The following FAM227A variants were observed in gnomAD, a reference collection of about 807,000 sequenced individuals.
FAM227A encodes family with sequence similarity 227 member A.
Under a neutral mutation model 74.7 loss-of-function variants are expected in FAM227A, and 80 were observed. The observed-to-expected ratio is 1.07, with a 90% CI of 0.89 to 1.29. The LOEUF (loss-of-function observed/expected upper bound fraction) is 1.29, where lower values mean the gene tolerates loss of function less well. Ranked by LOEUF, FAM227A falls within the 50% of genes most tolerant of loss-of-function variation. FAM227A has a pLI of 0.00. For synonymous variants in FAM227A, 237 were observed against 241.8 expected (o/e 0.98, Z 0.19); for missense variants, 654 against 683.4 (o/e 0.96, Z 0.48).
chr22:38,636,662 G>C, intron 5 of FAM227A, 65 bp from the exon 6 acceptor site: 3 of 1,402,774 alleles, frequency 2.1e-6, no homozygotes, highest in Admixed American at 2.3e-5. Context: ...CAATAGGCTA[G>C]CTTCCCCTCT....
At chr22:38,604,458 C>A (rs1020297510) in intron 13 of FAM227A, among the ~76,000 whole-genome samples, 1 of 152,176 alleles carries the variant, frequency 6.6e-6, no homozygotes, top group Non-Finnish European at 1.5e-5. Context: ...TCCCACTACA[C>A]AAGACTGAAG....
chr22:38,644,125 G>A (rs1240532049), intron 3 of FAM227A, among the ~76,000 whole-genome samples: 8 of 133,346 alleles, frequency 6.0e-5, no homozygotes, highest in South Asian at 2.5e-4. Flanking sequence ...CAGCCTGGAC[G>A]AGAGTGTGAG....
At chr22:38,640,932 G>A (rs976214325) in intron 3 of FAM227A, among the ~76,000 whole-genome samples, 2 of 152,136 alleles carry the variant, frequency 1.3e-5, no homozygotes, top group Non-Finnish European at 2.9e-5. Context: ...GTGGTGGGGG[G>A]GCGGTCACAG....
In FAM227A at chr22:38,586,091, G is replaced by A. The variant is rs1482743669; in HGVS notation, c.*34C>T. On this transcript the variant is annotated 3_prime_UTR_variant, in exon 17 of 17. Transcript: ENST00000535113. ...TCGTAGCAGAAATATCACGGATTCT[G>A]TAGGCGCTTCCTGGTTCTAGGTTGT... 2.6e-5 allele frequency: 40 copies of A among 1,551,922 alleles called. No individual in the cohort carries two copies. Among genetic ancestry groups the A allele is most frequent in the Non-Finnish European group, 3.0e-5 (34 of 1,147,040 alleles).
intron 16 of FAM227A, among the ~76,000 whole-genome samples, chr22:38,588,118 A>AAG (rs2090847630): frequency 6.6e-6 from 1 of 152,194 alleles, no homozygotes; most frequent in Non-Finnish European, 1.5e-5. Flanking sequence ...ATGGTTAAAG[A>AAG]CTGAAAGCCT....
At position 38,596,368 on chromosome 22, in the gene FAM227A, G is replaced by A. The variant is rs80011014; in HGVS notation, c.1532+836C>T. ...ATTTGTGATTCTTGATTGGATCCTG[G>A]AGCAGCAGGTAAAGCCAAAGACACA... On this transcript the variant is annotated intron_variant, in intron 15 of 16. Coordinates refer to ENST00000535113, the MANE Select transcript of FAM227A (RefSeq NM_001013647.2). Among the ~76,000 whole-genome samples, 62 of 152,108 alleles carry A rather than the reference G, an allele frequency of 4.1e-4. No homozygotes were observed. In the East Asian group the frequency reaches 0.011, roughly 28 times the overall value.
chr22:38,645,644 T>G lies in FAM227A; in HGVS notation c.144A>C (p.Ser48=). Reference sequence around the variant, plus strand: ...CCTGGTGCATGGAGCCAATAAGGCATGCTGGGAGGTTAGTCTGCTAAGGAA... The same window carrying G: ...CCTGGTGCATGGAGCCAATAAGGCAGGCTGGGAGGTTAGTCTGCTAAGGAA... ...VRKELENNPP[S]CLIGSMHQVN... The change falls in exon 3 of 17, where the codon TCA becomes TCC. Residue 48 remains serine, a splice_region_variant and synonymous_variant. Coordinates refer to ENST00000535113, the MANE Select transcript of FAM227A (RefSeq NM_001013647.2). 6.5e-7 allele frequency: 1 copy of G among 1,549,332 alleles called. No individual in the cohort carries two copies. Among genetic ancestry groups the G allele is most frequent in the Non-Finnish European group, 8.7e-7 (1 of 1,145,386 alleles).
chr22:38,631,299 T>C (rs2091911239), intron 6 of FAM227A, among the ~76,000 whole-genome samples: 1 of 151,860 alleles, frequency 6.6e-6, no homozygotes, highest in South Asian at 2.1e-4. Flanking sequence ...GAAAACAAAA[T>C]ACTGCATGTT....
chr22:38,638,683 A>G (rs1211773353), intron 5 of FAM227A, 63 bp downstream of exon 5: 1 of 1,229,762 alleles, frequency 8.1e-7, no homozygotes, highest in African/African-American at 1.5e-5. Context: ...CCCCAGGAAT[A>G]AAATCTTTAT....
At chr22:38,626,913 TAC>T (rs1555967138) in intron 8 of FAM227A, among the ~76,000 whole-genome samples, 1 of 89,828 alleles carries the variant, frequency 1.1e-5, no homozygotes, top group Non-Finnish European at 2.1e-5. Context: ...TATATATATA[TAC>T]ACGTATATAT....
At chr22:38,616,507 A>G (rs1048371125) in intron 11 of FAM227A, among the ~76,000 whole-genome samples, 1 of 152,044 alleles carries the variant, frequency 6.6e-6, no homozygotes, top group Non-Finnish European at 1.5e-5. Context: ...TACTAAAAAT[A>G]CAAAAAAAAT....
At chr22:38,593,498 C>A (rs1158031408) in intron 15 of FAM227A, among the ~76,000 whole-genome samples, 2 of 152,138 alleles carry the variant, frequency 1.3e-5, no homozygotes, top group African/African-American at 2.4e-5. Context: ...GAGCAAGACT[C>A]CGTCTCTAAA....
Position 38,597,200 on chromosome 22 carries a change from A to G in FAM227A, c.1532+4T>C. The stretch of plus-strand genomic sequence containing the variant: ...AACGGCATTCCCCAAAGCCCCTTCC[A>G]TACCTGGAGAAGTTGTCTTGCAGCT... On this transcript the variant is annotated splice_donor_region_variant and intron_variant, in intron 15 of 16. Transcript: ENST00000535113. 1.9e-6 allele frequency: 3 copies of G among 1,552,156 alleles called. No individual in the cohort carries two copies. The highest frequency in any genetic ancestry group is 2.6e-6 in the Non-Finnish European group (3 of 1,146,966).
chr22:38,589,137 T>C (rs2090876521), intron 16 of FAM227A, among the ~76,000 whole-genome samples: 1 of 152,024 alleles, frequency 6.6e-6, no homozygotes, highest in Non-Finnish European at 1.5e-5. Flanking sequence ...GAAGAATAGA[T>C]GCAGACAGAC....
chr22:38,650,732 C>T (rs1448795967), intron 1 of FAM227A, among the ~76,000 whole-genome samples: 2 of 152,256 alleles, frequency 1.3e-5, no homozygotes, highest in East Asian at 3.9e-4. Flanking sequence ...CCTGATCAAC[C>T]TGAAGCTTTC....
At chr22:38,648,187 T>G (rs1431980589) in intron 2 of FAM227A, among the ~76,000 whole-genome samples, 5 of 150,928 alleles carry the variant, frequency 3.3e-5, no homozygotes, top group Non-Finnish European at 7.4e-5. Flanking sequence ...GAGAAGAGGA[T>G]GAACGAAGAC....
intron 14 of FAM227A, among the ~76,000 whole-genome samples, chr22:38,597,591 G>A (rs2091075983): frequency 6.6e-6 from 1 of 152,172 alleles, no homozygotes; most frequent in Non-Finnish European, 1.5e-5. Flanking sequence ...CGTTCTCTAC[G>A]TAGGAATAAA....
chr22:38,641,727 A>T (rs1327057568), intron 3 of FAM227A, among the ~76,000 whole-genome samples: 5 of 151,686 alleles, frequency 3.3e-5, no homozygotes, highest in Admixed American at 3.3e-4. Context: ...TGCTGCTCTC[A>T]TTTTCAAATC....
Position 38,628,259 on chromosome 22 carries a change from G to A in FAM227A, c.705C>T (p.His235=), listed in dbSNP as rs1345048745. ...ALLLFRVPKS[H]SEEALLKRLP... ...TCACTTTTAAGAGCGCCTCTTCAGA[G>A]TGGGACTTGGGTACACGAAACAAAA... is the stretch of plus-strand genomic sequence containing the variant. The change falls in exon 8 of 17, where the codon CAC becomes CAT. Residue 235 remains histidine (H), a synonymous_variant. Transcript: ENST00000535113. 1 of 1,550,020 alleles carries A rather than the reference G, an allele frequency of 6.5e-7. No homozygotes were observed. The highest frequency in any genetic ancestry group is 2.0e-5 in the Admixed American group (1 of 50,992).
Sources: gnomAD v4.1 joint callset for allele counts (sites outside exome capture counted in the v4.1 genomes callset) on GRCh38, gnomAD v4.1.1 for gene constraint, MANE v1.5 for transcripts, NCBI Gene and HGNC (gene_info 2026-07-23, HGNC 2026-07-21) for gene names.